SEC24B: variants seen among roughly 807,000 people sequenced by gnomAD.
SEC24B encodes the protein SEC24 homolog B, COPII component, also known as protein transport protein Sec24B.
A neutral mutation model predicts 142.8 loss-of-function variants in SEC24B; 45 were observed. That is an observed-to-expected ratio of 0.32 (90% CI 0.25 to 0.40). SEC24B has a LOEUF of 0.40. Ranked by LOEUF, SEC24B falls within the 10% of genes least tolerant of loss-of-function variation. The pLI, the probability that SEC24B is intolerant of heterozygous loss-of-function variation, is 1.00. For missense variants in SEC24B, 1,409 were observed against 1,526.8 expected (o/e 0.92, Z 1.29); for synonymous variants, 574 against 568.2 (o/e 1.01, Z -0.15).
At chr4:109,447,083 AGAGCT>A (rs1442219569) in intron 1 of SEC24B, among the ~76,000 whole-genome samples, 1 of 152,224 alleles carries the variant, frequency 6.6e-6, no homozygotes, top group Non-Finnish European at 1.5e-5. Flanking sequence ...TTCCTAGAGA[AGAGCT>A]GAGCTGAGAT....
At chr4:109,480,374 A>T (rs1216449964) in intron 3 of SEC24B, among the ~76,000 whole-genome samples, 3 of 151,940 alleles carry the variant, frequency 2.0e-5, no homozygotes, top group Non-Finnish European at 4.4e-5. Context: ...AAAAATCCCC[A>T]CTATGTTTCT....
chr4:109,478,020 G>A (rs1287793386), intron 3 of SEC24B, among the ~76,000 whole-genome samples: 2 of 152,034 alleles, frequency 1.3e-5, no homozygotes, highest in African/African-American at 2.4e-5. Flanking sequence ...GGTGGCTCAC[G>A]CCTGTAATAC....
chr4:109,521,365 T>G (rs1485068868), intron 13 of SEC24B, 55 bp from the exon 14 acceptor site: 9 of 1,452,982 alleles, frequency 6.2e-6, no homozygotes, highest in Non-Finnish European at 8.7e-6. Context: ...TGTTTTAAAA[T>G]AAGATTATTC....
At chr4:109,451,724 T>C (rs1445380147) in intron 1 of SEC24B, among the ~76,000 whole-genome samples, 2 of 152,190 alleles carry the variant, frequency 1.3e-5, no homozygotes, top group African/African-American at 4.8e-5. Flanking sequence ...TGCTTATTAC[T>C]ACGGGTGTGT....
intron 4 of SEC24B, among the ~76,000 whole-genome samples, chr4:109,482,979 T>TACACAC (rs1554001099): frequency 0.027 from 705 of 26,050 alleles, 38 homozygotes; most frequent in Non-Finnish European, 0.041. Flanking sequence ...TATATATATA[T>TACACAC]ACACACACAC....
chr4:109,527,057 A>G (rs951451238), intron 17 of SEC24B, among the ~76,000 whole-genome samples: 2 of 151,920 alleles, frequency 1.3e-5, no homozygotes, highest in African/African-American at 2.4e-5. Context: ...CATCTCTACT[A>G]AAAATACAAA....
chr4:109,521,443 A>G lies in SEC24B; in HGVS notation c.2325A>G (p.Ala775=), dbSNP rs1723603172. The G allele has an allele frequency of 3.7e-6, 6 of 1,614,014 alleles. No individual in the cohort carries two copies. The highest frequency in any genetic ancestry group is 4.5e-5 in the East Asian group (2 of 44,872). The change falls in exon 14 of 24, where the codon GCA becomes GCG. Residue 775 remains alanine (A), a synonymous_variant. Transcript: ENST00000265175. ...AGCTTATAAAAGACTTACTGAATGCATTACCAAACATGTTCACCAATACAA... is the reference window on the plus strand; with the variant it reads ...AGCTTATAAAAGACTTACTGAATGCGTTACCAAACATGTTCACCAATACAA... ...SKELIKDLLN[A]LPNMFTNTRE... is the part of the protein sequence containing the mutation.
chr4:109,509,697 AAAAAAG>A (rs1465713946), intron 7 of SEC24B, among the ~76,000 whole-genome samples: 13 of 151,650 alleles, frequency 8.6e-5, no homozygotes, highest in Non-Finnish European at 1.5e-4. Flanking sequence ...AAAAAAAAAA[AAAAAAG>A]TAGGCCTTTT....
intron 2 of SEC24B, among the ~76,000 whole-genome samples, chr4:109,466,680 G>A (rs950861432): frequency 2.0e-5 from 3 of 152,176 alleles, no homozygotes; most frequent in Non-Finnish European, 4.4e-5. Context: ...AAAGTGCTGG[G>A]ATTACAGGCG....
At chr4:109,506,680 G>A (rs1736722895) in intron 7 of SEC24B, among the ~76,000 whole-genome samples, 168 bp downstream of exon 7, 4 of 151,892 alleles carry the variant, frequency 2.6e-5, no homozygotes, top group Admixed American at 2.6e-4. Flanking sequence ...ATCTCTTTTT[G>A]TTCCCATCTC....
At chr4:109,450,667 A>G (rs1394617018) in intron 1 of SEC24B, 1 of 151,794 alleles carries the variant, frequency 6.6e-6, no homozygotes, top group Non-Finnish European at 1.5e-5. Flanking sequence ...AAAAAAAAAA[A>G]AAAAAAAATT....
chr4:109,448,557 C>T (rs535636100), intron 1 of SEC24B, among the ~76,000 whole-genome samples: 111 of 152,094 alleles, frequency 7.3e-4, no homozygotes, highest in Non-Finnish European at 1.4e-3. Flanking sequence ...GCCTCAGCCT[C>T]CCAAGTAGCT....
At chr4:109,492,994 A>G (rs980074910) in intron 5 of SEC24B, among the ~76,000 whole-genome samples, 11 of 152,090 alleles carry the variant, frequency 7.2e-5, no homozygotes, top group Admixed American at 2.0e-4. Flanking sequence ...TGTTGGGATA[A>G]TAGGCTTGAG....
At chr4:109,498,262 G>A (rs1424100609) in intron 6 of SEC24B, among the ~76,000 whole-genome samples, 2 of 152,126 alleles carry the variant, frequency 1.3e-5, no homozygotes, top group East Asian at 1.9e-4. Flanking sequence ...AATGATTTAG[G>A]TATACAGCTA....
intron 18 of SEC24B, among the ~76,000 whole-genome samples, chr4:109,527,738 A>G (rs566529529): frequency 1.3e-5 from 2 of 151,722 alleles, no homozygotes; most frequent in African/African-American, 4.8e-5. Flanking sequence ...CATCACTCCA[A>G]TCACTCCACT....
At chr4:109,484,311 C>T (rs1229873878) in intron 4 of SEC24B, among the ~76,000 whole-genome samples, 10 of 152,092 alleles carry the variant, frequency 6.6e-5, no homozygotes, top group South Asian at 2.1e-4. Context: ...ATGCATTTTT[C>T]GGAGGATTAC....
At chr4:109,539,488 T>C in intron 23 of SEC24B, 73 bp from the exon 24 acceptor site, 2 of 823,496 alleles carry the variant, frequency 2.4e-6, no homozygotes, top group South Asian at 2.9e-5. Flanking sequence ...TGTAATTTTA[T>C]GAGCTAGATT....
At chr4:109,493,728 C>A (rs143926577) in intron 5 of SEC24B, among the ~76,000 whole-genome samples, 2,912 of 151,542 alleles carry the variant, frequency 0.019, 95 homozygotes, top group African/African-American at 0.067. Flanking sequence ...TCCTGAGTAG[C>A]TGGGACTACA....
chr4:109,473,956 C>T (rs1183190526), intron 3 of SEC24B, among the ~76,000 whole-genome samples: 1 of 152,180 alleles, frequency 6.6e-6, no homozygotes, highest in African/African-American at 2.4e-5. Context: ...TATGTAATGA[C>T]AGCTCCTAAC....
Sources: allele counts gnomAD v4.1 joint callset (sites outside exome capture counted in the v4.1 genomes callset), GRCh38; gene constraint gnomAD v4.1.1; transcripts MANE v1.5; gene names NCBI Gene and HGNC (gene_info 2026-07-23, HGNC 2026-07-21).